CLEC17A: variants seen among roughly 807,000 people sequenced by gnomAD.
CLEC17A encodes C-type lectin domain containing 17A.
CLEC17A carries 37 observed loss-of-function variants against 61.3 expected under a neutral mutation model. That is an observed-to-expected ratio of 0.60 (90% CI 0.46 to 0.79). The LOEUF is 0.79. Among genes scored for constraint, CLEC17A ranks in the 30% least tolerant of loss-of-function variants. CLEC17A has a pLI of 0.00. For synonymous variants in CLEC17A, 168 were observed against 164.9 expected (o/e 1.02, Z -0.14); for missense variants, 418 against 464.7 (o/e 0.90, Z 0.92).
chr19:14,591,647 G>A (rs1270592482), intron 3 of CLEC17A, among the ~76,000 whole-genome samples: 1 of 149,982 alleles, frequency 6.7e-6, no homozygotes, highest in Non-Finnish European at 1.5e-5. Flanking sequence ...TCCACCTCCT[G>A]AGTTCAAGTG....
chr19:14,592,542 A>T (rs1386722864), intron 4 of CLEC17A, among the ~76,000 whole-genome samples, 184 bp downstream of exon 4: 1 of 152,186 alleles, frequency 6.6e-6, no homozygotes, highest in Non-Finnish European at 1.5e-5. Flanking sequence ...GTTTGGACAC[A>T]GCCTTGGTGA....
chr19:14,596,675 T>C (rs911059429), intron 8 of CLEC17A, among the ~76,000 whole-genome samples: 2 of 152,098 alleles, frequency 1.3e-5, no homozygotes, highest in Admixed American at 1.3e-4. Context: ...AACATGATGC[T>C]TAGCGCACCG....
chr19:14,593,038 G>A (rs2074459107), intron 4 of CLEC17A, among the ~76,000 whole-genome samples: 1 of 152,070 alleles, frequency 6.6e-6, no homozygotes, highest in Non-Finnish European at 1.5e-5. Context: ...CATAAAAGCT[G>A]GTGCTTGAGA....
intron 3 of CLEC17A, among the ~76,000 whole-genome samples, chr19:14,590,335 G>A (rs2074378064): frequency 6.6e-6 from 1 of 151,566 alleles, no homozygotes. Flanking sequence ...GTTTAGAGCA[G>A]TAATACTTAG....
chr19:14,595,932 T>TG (rs2074535585), intron 8 of CLEC17A, among the ~76,000 whole-genome samples: 1 of 145,908 alleles, frequency 6.9e-6, no homozygotes, highest in East Asian at 2.0e-4. Flanking sequence ...ATGGTGTTGG[T>TG]GATGATAGTA....
intron 12 of CLEC17A, among the ~76,000 whole-genome samples, chr19:14,602,440 G>A (rs2074744064): frequency 6.6e-6 from 1 of 152,056 alleles, no homozygotes. Context: ...CAACAGGTGT[G>A]TGCCACCATG....
chr19:14,608,981 G>A (rs561391526), intron 13 of CLEC17A, among the ~76,000 whole-genome samples: 9 of 152,006 alleles, frequency 5.9e-5, no homozygotes, highest in Non-Finnish European at 8.8e-5. Context: ...TGTAGTTTTA[G>A]TAGAGACGGG....
chr19:14,600,066 C>T lies in CLEC17A; in HGVS notation c.778C>T (p.Pro260Ser). ...RRITCPEGWL[P>S]FEGKCYYFSP... ...AATTACCTGTCCTGAAGGCTGGCTG[C>T]CCTTTGAGGGCAAGTGTTACTACTT... Residue 260 changes from proline to serine, a missense_variant, in exon 12 of 14, where the codon CCC (proline) becomes TCC (serine). Pro to Ser is a moderately conservative substitution (Grantham distance 74). Coordinates refer to ENST00000417570, the MANE Select transcript of CLEC17A (RefSeq NM_001204118.2). 1 of 1,614,026 alleles carries T rather than the reference C, an allele frequency of 6.2e-7. No homozygotes were observed. Among genetic ancestry groups the T allele is most frequent in the Non-Finnish European group, 8.5e-7 (1 of 1,179,896 alleles).
At chr19:14,602,741 G>GTT (rs898066900) in intron 12 of CLEC17A, among the ~76,000 whole-genome samples, 5 of 145,146 alleles carry the variant, frequency 3.4e-5, no homozygotes, top group Non-Finnish European at 4.6e-5. Flanking sequence ...TAGTTAAACA[G>GTT]TTTTTTTTTT....
upstream of CLEC17A, among the ~76,000 whole-genome samples, chr19:14,580,996 G>A (rs1001104778): frequency 3.9e-5 from 6 of 152,212 alleles, no homozygotes; most frequent in African/African-American, 1.2e-4. Context: ...CATTGCCCAC[G>A]TGCGGTGCGG....
intron 3 of CLEC17A, among the ~76,000 whole-genome samples, chr19:14,589,217 A>C (rs956038234): frequency 9.2e-5 from 13 of 140,844 alleles, no homozygotes; most frequent in African/African-American, 3.6e-4. Flanking sequence ...TCCCCAACCC[A>C]TTTTCCATCC....
chr19:14,604,689 C>A (rs768529897), intron 12 of CLEC17A, among the ~76,000 whole-genome samples: 19 of 151,522 alleles, frequency 1.3e-4, no homozygotes, highest in African/African-American at 4.4e-4. Flanking sequence ...CTTGAACCTG[C>A]GAGGCGGAGG....
chr19:14,581,240 T>C (rs532825165), upstream of CLEC17A, among the ~76,000 whole-genome samples: 21 of 152,314 alleles, frequency 1.4e-4, no homozygotes, highest in African/African-American at 5.1e-4. Context: ...GTCTTGCCCC[T>C]TGGGGTACAT....
chr19:14,594,917 G>A, intron 7 of CLEC17A, 117 bp downstream of exon 7: 1 of 1,054,232 alleles, frequency 9.5e-7, no homozygotes, highest in Non-Finnish European at 1.4e-6. Context: ...TGTCATCCAG[G>A]CTGGAGTGCA....
chr19:14,609,556 G>C (rs952326024), intron 13 of CLEC17A, among the ~76,000 whole-genome samples: 2 of 152,090 alleles, frequency 1.3e-5, no homozygotes, highest in African/African-American at 4.8e-5. Context: ...TTGATTAAGG[G>C]GCCAGGCACG....
At chr19:14,596,023 G>GTTGGGA (rs1599549987) in intron 8 of CLEC17A, among the ~76,000 whole-genome samples, 6 of 152,012 alleles carry the variant, frequency 3.9e-5, no homozygotes, top group Admixed American at 6.6e-5. Context: ...TGATGGTGTT[G>GTTGGGA]GTGATGACCA....
In CLEC17A at chr19:14,606,979, A is replaced by G. The variant is rs10409868; in HGVS notation, c.895-14A>G. ...GTAGAGGAATGGCTGGCTGAATGGA[A>G]TTTTTATTTGCAGAATTTTGTGGCC... On this transcript the variant is annotated splice_polypyrimidine_tract_variant and intron_variant, in intron 12 of 13. Coordinates refer to ENST00000417570, the MANE Select transcript of CLEC17A (RefSeq NM_001204118.2). 0.3 allele frequency: 376,647 copies of G among 1,257,478 alleles called. 58,615 individuals are homozygous for G. Among genetic ancestry groups the G allele is most frequent in the African/African-American group, 0.52 (33,726 of 64,980 alleles). 77.9% of individuals were successfully genotyped at this position (1,257,478 alleles called of 1,614,324 possible).
intron 12 of CLEC17A, among the ~76,000 whole-genome samples, chr19:14,604,511 C>A (rs2074804987): frequency 6.6e-6 from 1 of 152,096 alleles, no homozygotes; most frequent in South Asian, 2.1e-4. Flanking sequence ...GACTGTAATC[C>A]CAGCACTTTG....
chr19:14,582,724 C>T (rs1169883272), upstream of CLEC17A, among the ~76,000 whole-genome samples: 1 of 152,188 alleles, frequency 6.6e-6, no homozygotes, highest in African/African-American at 2.4e-5. Context: ...TCTCCTGCCT[C>T]AGCCTCCTGA....
Sources: gnomAD v4.1 joint callset for allele counts (sites outside exome capture counted in the v4.1 genomes callset) on GRCh38, gnomAD v4.1.1 for gene constraint, MANE v1.5 for transcripts, NCBI Gene and HGNC (gene_info 2026-07-23, HGNC 2026-07-21) for gene names.